The following CALN1 variants were observed in gnomAD, a reference collection of about 807,000 sequenced individuals.
The protein encoded by CALN1 is calneuron 1.
A neutral mutation model predicts 30.6 loss-of-function variants in CALN1; 17 were observed. The ratio of observed to expected loss-of-function variants is 0.56; its 90% confidence interval spans 0.38 to 0.83. The LOEUF is 0.83. CALN1 is among the 40% of genes least tolerant of loss of function. The pLI, the probability that CALN1 is intolerant of heterozygous loss-of-function variation, is 0.00. For missense variants in CALN1, 291 were observed against 354.9 expected, an observed-to-expected ratio of 0.82 and a Z score of 1.45; for synonymous variants, 156 against 131.4, an observed-to-expected ratio of 1.19 and a Z score of -1.28.
At chr7:71,818,354 C>A (rs1016503013) in intron 5 of CALN1, among the ~76,000 whole-genome samples, 3 of 151,980 alleles carry the variant, frequency 2.0e-5, no homozygotes, top group African/African-American at 7.3e-5. Flanking sequence ...TACCAAGGCA[C>A]AGAGTTGCAA....
At chr7:71,847,747 AAG>A (rs1790368271) in intron 5 of CALN1, among the ~76,000 whole-genome samples, 1 of 126,008 alleles carries the variant, frequency 7.9e-6, no homozygotes, top group Admixed American at 8.6e-5. Flanking sequence ...AAGAAAGAAG[AAG>A]AAAGAAGAAA....
intron 2 of CALN1, among the ~76,000 whole-genome samples, chr7:72,311,721 T>A (rs998539238): frequency 7.8e-6 from 1 of 128,322 alleles, no homozygotes; most frequent in Non-Finnish European, 1.6e-5. Flanking sequence ...GGTCTCGAAC[T>A]CCTGAGCTCA....
At chr7:72,493,435 T>C in the CALN1 span, among the ~76,000 whole-genome samples, 1 of 152,044 alleles carries the variant, frequency 6.6e-6, no homozygotes. Flanking sequence ...ACCTCCCAAG[T>C]TGAAGTGATT....
rs543688764 is a variant in CALN1, at chr7:72,370,835, T to G, written c.119+32416A>C. Among the ~76,000 whole-genome samples the G allele has an allele frequency of 2.4e-4, 36 of 152,004 alleles. 1 individual carries two copies. In the South Asian group the frequency reaches 7.2e-3, roughly 31 times the overall value. Reference sequence around the variant, plus strand: ...GCCAAGGCAGTGGATTACTTGAGGTTAGGAGTTTGAGACCAGCCAGGCCAA... The same window carrying G: ...GCCAAGGCAGTGGATTACTTGAGGTGAGGAGTTTGAGACCAGCCAGGCCAA... On this transcript the variant is annotated intron_variant, in intron 2 of 6. Coordinates refer to ENST00000395275, the MANE Select transcript of CALN1 (RefSeq NM_031468.4).
At chr7:71,939,226 C>G (rs1795997235) in intron 5 of CALN1, among the ~76,000 whole-genome samples, 1 of 151,888 alleles carries the variant, frequency 6.6e-6, no homozygotes, top group African/African-American at 2.4e-5. Flanking sequence ...TAACATGTGC[C>G]AAAGTACAGC....
chr7:72,442,859 G>T (rs1018788983), intron 1 of CALN1, among the ~76,000 whole-genome samples: 2 of 151,998 alleles, frequency 1.3e-5, no homozygotes, highest in African/African-American at 4.8e-5. Flanking sequence ...CTTTATGTAG[G>T]GTTGCACTTA....
chr7:72,367,469 A>G (rs1803944797), intron 2 of CALN1, among the ~76,000 whole-genome samples: 1 of 152,022 alleles, frequency 6.6e-6, no homozygotes, highest in Non-Finnish European at 1.5e-5. Context: ...GCAAAAATAA[A>G]TTGAAAAATT....
At chr7:72,258,415 A>T (rs1796062396) in intron 3 of CALN1, among the ~76,000 whole-genome samples, 1 of 152,230 alleles carries the variant, frequency 6.6e-6, no homozygotes, top group Admixed American at 6.5e-5. Flanking sequence ...TACTGGGTTT[A>T]GACCGGTTTC....
chr7:72,378,481 T>C (rs992437993), intron 2 of CALN1, among the ~76,000 whole-genome samples: 1 of 152,200 alleles, frequency 6.6e-6, no homozygotes, highest in Non-Finnish European at 1.5e-5. Flanking sequence ...ATGGCTTTTA[T>C]GGAAACACAG....
intron 2 of CALN1, chr7:72,336,724 C>G: frequency 1.0e-6 from 1 of 985,338 alleles, no homozygotes; most frequent in Non-Finnish European, 1.2e-6. Flanking sequence ...GCCGGGGCTC[C>G]GCAGCCCGGC....
chr7:72,171,382 T>G (rs1459994431), intron 3 of CALN1, among the ~76,000 whole-genome samples: 1 of 152,070 alleles, frequency 6.6e-6, no homozygotes, highest in African/African-American at 2.4e-5. Flanking sequence ...TCCAGTGTCT[T>G]GACAGGCTCA....
At chr7:72,412,686 C>T (rs935825814), upstream of CALN1, among the ~76,000 whole-genome samples, 3 of 152,208 alleles carry the variant, frequency 2.0e-5, no homozygotes, top group African/African-American at 7.2e-5. Flanking sequence ...CCCCATGGAA[C>T]CTGCTTTGGG....
intron 6 of CALN1, among the ~76,000 whole-genome samples, chr7:71,790,384 G>GAAAAGA (rs377140967): frequency 9.7e-6 from 1 of 103,514 alleles, no homozygotes; most frequent in African/African-American, 3.4e-5. Flanking sequence ...AAGAAAGAAA[G>GAAAAGA]AAAGAAAGAA....
the CALN1 span, among the ~76,000 whole-genome samples, chr7:72,469,787 T>C: frequency 6.6e-6 from 1 of 152,210 alleles, no homozygotes; most frequent in Non-Finnish European, 1.5e-5. Context: ...TATAGCTTTC[T>C]AGTAAATTGT....
At chr7:72,464,547 G>A in the CALN1 span, among the ~76,000 whole-genome samples, 414 of 152,170 alleles carry the variant, frequency 2.7e-3, 1 homozygote, top group African/African-American at 9.3e-3. Flanking sequence ...TCCCTGTTCC[G>A]TGTGGTCAAG....
intron 4 of CALN1, among the ~76,000 whole-genome samples, chr7:72,082,462 C>A (rs1231229085): frequency 6.6e-6 from 1 of 152,182 alleles, no homozygotes; most frequent in Non-Finnish European, 1.5e-5. Flanking sequence ...GACCCTCCCT[C>A]CATGGCTGAG....
intron 3 of CALN1, among the ~76,000 whole-genome samples, chr7:72,149,503 T>C (rs1787052032): frequency 6.6e-6 from 1 of 151,910 alleles, no homozygotes; most frequent in Non-Finnish European, 1.5e-5. Flanking sequence ...AACCCCTCTA[T>C]TCTCTATAAA....
chr7:71,862,053 G>C (rs1410302269), intron 5 of CALN1, among the ~76,000 whole-genome samples: 1 of 152,178 alleles, frequency 6.6e-6, no homozygotes, highest in Non-Finnish European at 1.5e-5. Context: ...CTTTCTCTAA[G>C]ACGTGGCCAT....
chr7:72,148,394 C>A (rs1399888857), intron 3 of CALN1, among the ~76,000 whole-genome samples: 1 of 148,978 alleles, frequency 6.7e-6, no homozygotes, highest in Non-Finnish European at 1.5e-5. Flanking sequence ...ATAGCAAGAC[C>A]CCATCTCTAC....
Sources: gnomAD v4.1 joint callset for allele counts (sites outside exome capture counted in the v4.1 genomes callset) on GRCh38, gnomAD v4.1.1 for gene constraint, MANE v1.5 for transcripts, NCBI Gene and HGNC (gene_info 2026-07-23, HGNC 2026-07-21) for gene names.